SPEF2: variants seen among roughly 807,000 people sequenced by gnomAD.
SPEF2 encodes the protein sperm flagellar and cilia associated 2.
SPEF2 carries 187 observed loss-of-function variants against 224.6 expected under a neutral mutation model. The ratio of observed to expected loss-of-function variants is 0.83; its 90% CI spans 0.74 to 0.94. The LOEUF is 0.94. SPEF2 is among the 40% of genes least tolerant of loss of function. The pLI, the probability that SPEF2 is intolerant of heterozygous loss-of-function variation, is 0.00. For missense variants in SPEF2, 2,170 were observed against 2,135.6 expected, an observed-to-expected ratio of 1.02 and a Z score of -0.32; for synonymous variants, 715 against 707.3, an observed-to-expected ratio of 1.01 and a Z score of -0.17.
At chr5:35,713,139 A>G (rs1294637458) in intron 20 of SPEF2, among the ~76,000 whole-genome samples, 1 of 152,194 alleles carries the variant, frequency 6.6e-6, no homozygotes, top group Non-Finnish European at 1.5e-5. Context: ...CATTTATCAG[A>G]GATATTTTAG....
intron 8 of SPEF2, among the ~76,000 whole-genome samples, chr5:35,660,656 C>G (rs1467891142): frequency 6.6e-6 from 1 of 152,164 alleles, no homozygotes; most frequent in African/African-American, 2.4e-5. Context: ...ATTGTTTCAT[C>G]TCTCTTCTTT....
At chr5:35,799,776 C>T (rs555283856) in intron 33 of SPEF2, among the ~76,000 whole-genome samples, 192 bp from the exon 34 acceptor site, 1 of 152,180 alleles carries the variant, frequency 6.6e-6, no homozygotes, top group South Asian at 2.1e-4. Context: ...TACAATATTT[C>T]AGGGCCCCAC....
rs778221733 is a variant in SPEF2, at chr5:35,708,970, G to T, written c.2688G>T (p.Lys896Asn). 3.1e-6 allele frequency: 5 copies of T among 1,611,358 alleles called. No individual in the cohort carries two copies. The highest frequency in any genetic ancestry group is 4.2e-6 in the Non-Finnish European group (5 of 1,179,390). The change falls in exon 19 of 37, where the codon AAG (lysine) becomes AAT (asparagine). Residue 896 changes from lysine (K) to asparagine (N), a missense_variant. Physicochemically the swap from Lys to Asn is moderately conservative, Grantham distance 94. Transcript: ENST00000356031. ...AAGTTGAGAAGAAATTAGAAGAAAA[G>T]GAAGCTGAGAAAAAAGCAGCAGCTT... ...KNKVEKKLEE[K>N]EAEKKAAASL...
At position 35,751,038 on chromosome 5, in the gene SPEF2, C is replaced by CGT. The variant is rs1458815123; in HGVS notation, c.3331-2586_3331-2585insGT. Reference sequence around the variant, plus strand: ...GTATATATATACGTATATATATACACATATGTATATATATATACGTATATA... The same window carrying CGT: ...GTATATATATACGTATATATATACACGTATATGTATATATATATACGTATATA... On this transcript the variant is annotated intron_variant, in intron 23 of 36. Coordinates refer to ENST00000356031, the MANE Select transcript of SPEF2 (RefSeq NM_024867.4). 9.8e-3 allele frequency among the ~76,000 whole-genome samples: 265 copies of CGT among 27,124 alleles called. 10 individuals are homozygous for CGT. Among genetic ancestry groups the CGT allele is most frequent in the African/African-American group, 0.024 (235 of 9,656 alleles). 17.8% of individuals were successfully genotyped at this position (27,124 alleles called of 152,430 possible). A position where few individuals can be genotyped will look rare whatever the true frequency, so the allele number is the denominator to read the frequency against.
At chr5:35,716,007 G>A (rs896379482) in intron 20 of SPEF2, among the ~76,000 whole-genome samples, 2 of 151,784 alleles carry the variant, frequency 1.3e-5, no homozygotes. Context: ...CTTCTTCCAG[G>A]TTCATTCAAG....
intron 34 of SPEF2, among the ~76,000 whole-genome samples, chr5:35,803,164 G>C (rs1250088975): frequency 6.6e-6 from 1 of 152,190 alleles, no homozygotes; most frequent in African/African-American, 2.4e-5. Flanking sequence ...AGTCTCCATG[G>C]TAGAGAGGAG....
intron 20 of SPEF2, among the ~76,000 whole-genome samples, chr5:35,714,413 G>A (rs1023153164): frequency 2.6e-5 from 4 of 151,610 alleles, no homozygotes; most frequent in Admixed American, 6.6e-5. Context: ...GCCTATTTAT[G>A]AGGGGTGGTG....
At chr5:35,690,828 GT>G (rs1471177834) in intron 10 of SPEF2, among the ~76,000 whole-genome samples, 1 of 151,742 alleles carries the variant, frequency 6.6e-6, no homozygotes, top group South Asian at 2.1e-4. Flanking sequence ...AGATTTTTTA[GT>G]TTTTTTCTTT....
intron 1 of SPEF2, among the ~76,000 whole-genome samples, 175 bp from the exon 2 acceptor site, chr5:35,628,285 T>A (rs1744557407): frequency 6.6e-6 from 1 of 152,250 alleles, no homozygotes; most frequent in East Asian, 1.9e-4. Flanking sequence ...AAATATCTAC[T>A]GTTAAATGTC....
intron 30 of SPEF2, among the ~76,000 whole-genome samples, chr5:35,787,097 T>G (rs1755258199): frequency 6.6e-6 from 1 of 152,118 alleles, no homozygotes; most frequent in African/African-American, 2.4e-5. Context: ...TTTTGTGTAG[T>G]TTTTAGTTTT....
intron 1 of SPEF2, among the ~76,000 whole-genome samples, chr5:35,620,556 A>T (rs1743358238): frequency 6.6e-6 from 1 of 152,206 alleles, no homozygotes; most frequent in African/African-American, 2.4e-5. Flanking sequence ...GCACCAATAT[A>T]TAAGGATATT....
intron 18 of SPEF2, among the ~76,000 whole-genome samples, chr5:35,708,641 C>CTACCACCATCCCCACCA: frequency 1.3e-3 from 1 of 774 alleles, no homozygotes; most frequent in South Asian, 0.025. Context: ...ATCACCTCTA[C>CTACCACCATCCCCACCA]CAGCACCTCC....
At chr5:35,754,383 G>A (rs1750140657) in intron 24 of SPEF2, among the ~76,000 whole-genome samples, 4 of 152,178 alleles carry the variant, frequency 2.6e-5, no homozygotes, top group Admixed American at 1.3e-4. Context: ...TTTAAGAGCT[G>A]AAGTAGGTTA....
intron 1 of SPEF2, among the ~76,000 whole-genome samples, chr5:35,627,685 A>G (rs963109427): frequency 6.6e-6 from 1 of 152,184 alleles, no homozygotes; most frequent in Non-Finnish European, 1.5e-5. Flanking sequence ...CAATTCTCAA[A>G]CACTGCTGCA....
intron 21 of SPEF2, among the ~76,000 whole-genome samples, chr5:35,739,343 G>A (rs946795268): frequency 2.0e-5 from 3 of 152,280 alleles, no homozygotes; most frequent in Admixed American, 6.5e-5. Flanking sequence ...CTCAGTGGAT[G>A]ACCTTGCAGA....
At chr5:35,735,643 C>A (rs910054156) in intron 21 of SPEF2, among the ~76,000 whole-genome samples, 2 of 152,142 alleles carry the variant, frequency 1.3e-5, no homozygotes, top group African/African-American at 4.8e-5. Context: ...GTGTAATTCC[C>A]TGAGTGAATA....
In SPEF2 at chr5:35,807,187, C is replaced by T. The variant is rs1365001146; in HGVS notation, c.5313C>T (p.Val1771=). 26 of 1,613,808 alleles carry T rather than the reference C, an allele frequency of 1.6e-5. No individual in the cohort carries two copies. Among genetic ancestry groups the T allele is most frequent in the Middle Eastern group, 1.6e-4 (1 of 6,082 alleles). The change falls in exon 36 of 37, where the codon GTC becomes GTT. Residue 1771 remains valine (V), a synonymous_variant. Transcript: ENST00000356031. ...LGAKNLEPIE[V]AVLLKHPFIQ... ...CCAAGAACCTGGAGCCAATTGAAGT[C>T]GCTGTTCTCTTGAAGCATCCTTTTA... is the stretch of plus-strand genomic sequence containing the variant.
chr5:35,745,390 T>C (rs1459552975), intron 23 of SPEF2, among the ~76,000 whole-genome samples: 1 of 152,126 alleles, frequency 6.6e-6, no homozygotes, highest in Non-Finnish European at 1.5e-5. Context: ...CAAGCCCTTT[T>C]CTTTCACAGC....
At chr5:35,715,995 T>C (rs1321329973) in intron 20 of SPEF2, among the ~76,000 whole-genome samples, 1 of 151,990 alleles carries the variant, frequency 6.6e-6, no homozygotes, top group Non-Finnish European at 1.5e-5. Flanking sequence ...GCATGCAATT[T>C]ACTTCTTCCA....
Sources: allele counts gnomAD v4.1 joint callset (sites outside exome capture counted in the v4.1 genomes callset), GRCh38; gene constraint gnomAD v4.1.1; transcripts MANE v1.5; gene names NCBI Gene and HGNC (gene_info 2026-07-23, HGNC 2026-07-21).